TTC7A: variants seen among roughly 807,000 people sequenced by gnomAD.
TTC7A encodes the protein tetratricopeptide repeat protein 7A.
A neutral mutation model predicts 103.7 loss-of-function variants in TTC7A; 110 were observed. The ratio of observed to expected loss-of-function variants is 1.06; its 90% CI spans 0.91 to 1.24. TTC7A has a LOEUF of 1.24. TTC7A is among the 50% of genes most tolerant of loss of function. TTC7A has a pLI of 0.00. For missense variants in TTC7A, 1,340 were observed against 1,116.3 expected (o/e 1.20, Z -2.86); for synonymous variants, 521 against 467.9 (o/e 1.11, Z -1.47).
chr2:47,007,813 C>T lies in TTC7A; in HGVS notation c.1287+1089C>T, dbSNP rs1677584164. Among the ~76,000 whole-genome samples, 1 of 152,214 alleles carries T rather than the reference C, an allele frequency of 6.6e-6. No homozygotes were observed. The highest frequency in any genetic ancestry group is 1.5e-5 in the Non-Finnish European group (1 of 68,034). On this transcript the variant is annotated intron_variant, in intron 10 of 19. Transcript: ENST00000319190. The surrounding 1 kb of genome is among the most constrained non-coding windows in gnomAD (Gnocchi z 4.9). Reference sequence around the variant, plus strand: ...CTCTCCTCTCCCCCATCACATCGGACACCTCACAGAGCATCTTGAAGTCAC... The same window carrying T: ...CTCTCCTCTCCCCCATCACATCGGATACCTCACAGAGCATCTTGAAGTCAC...
chr2:46,943,561 C>A (rs1253797124), intron 1 of TTC7A, among the ~76,000 whole-genome samples: 1 of 152,186 alleles, frequency 6.6e-6, no homozygotes, highest in Non-Finnish European at 1.5e-5. Flanking sequence ...TGCATATGCA[C>A]ACACACAAAC....
upstream of TTC7A, chr2:46,915,991 A>C (rs1572624785): frequency 3.0e-6 from 3 of 985,006 alleles, no homozygotes; most frequent in Non-Finnish European, 3.6e-6. Context: ...CTGCTTTCCC[A>C]AGGGCGACAC....
intron 15 of TTC7A, among the ~76,000 whole-genome samples, chr2:47,038,027 G>A (rs1681302900): frequency 6.6e-6 from 1 of 152,024 alleles, no homozygotes; most frequent in Non-Finnish European, 1.5e-5. Flanking sequence ...GAGGCGGGCG[G>A]ATCATTTGAG....
At chr2:47,038,258 CAAA>C (rs60342421) in intron 15 of TTC7A, among the ~76,000 whole-genome samples, 13 of 128,318 alleles carry the variant, frequency 1.0e-4, no homozygotes, top group Admixed American at 1.6e-4. Context: ...GACTCCATCT[CAAA>C]AAAAAAAAAA....
At chr2:46,972,724 T>C (rs1184579509) in intron 3 of TTC7A, among the ~76,000 whole-genome samples, 1 of 152,228 alleles carries the variant, frequency 6.6e-6, no homozygotes, top group Non-Finnish European at 1.5e-5. Context: ...GGGTAACTTC[T>C]GCAGGGAGGA....
At chr2:46,944,209 A>C (rs748459247) in intron 1 of TTC7A, among the ~76,000 whole-genome samples, 1 of 152,132 alleles carries the variant, frequency 6.6e-6, no homozygotes, top group African/African-American at 2.4e-5. Context: ...ATTATGAAGA[A>C]TTTTCAAAAC....
intron 19 of TTC7A, among the ~76,000 whole-genome samples, chr2:47,072,066 G>A (rs1005256443): frequency 8.5e-5 from 13 of 152,288 alleles, no homozygotes; most frequent in East Asian, 3.9e-4. Context: ...CCTGTGGGCC[G>A]TGTTCCATTG....
At position 47,075,832 on chromosome 2, in the gene TTC7A, TC is replaced by T. The variant is rs1045699472; in HGVS notation, c.*1911del. 1 of 152,372 alleles carries T rather than the reference TC, an allele frequency of 6.6e-6. No individual in the cohort carries two copies. Among genetic ancestry groups the T allele is most frequent in the Non-Finnish European group, 1.5e-5 (1 of 68,186 alleles). 9.4% of individuals were successfully genotyped at this position (152,372 alleles called of 1,614,324 possible). A position where few individuals can be genotyped will look rare whatever the true frequency, so the allele number is the denominator to read the frequency against. On this transcript the variant is annotated 3_prime_UTR_variant, in exon 20 of 20. Coordinates refer to ENST00000319190, the MANE Select transcript of TTC7A (RefSeq NM_020458.4). ...GCAAGAGGGGTCCAGGCAGGGCTGA[TC>T]CTGGCCTCTGACCTGTCCAGGGCGA...
chr2:46,973,397 C>T (rs781218931), intron 3 of TTC7A, among the ~76,000 whole-genome samples: 1 of 152,172 alleles, frequency 6.6e-6, no homozygotes, highest in Non-Finnish European at 1.5e-5. Flanking sequence ...TTCCAGCCAC[C>T]GCATGGTGCA....
chr2:47,023,481 C>G lies in TTC7A; in HGVS notation c.1568+16C>G. On this transcript the variant is annotated intron_variant, in intron 13 of 19. Coordinates refer to ENST00000319190, the MANE Select transcript of TTC7A (RefSeq NM_020458.4). ...CGCTGGAGAGGTGAGGAGGCTCCCA[C>G]CTGCAGCAGAGGCCCCTCTTGCCTT... The G allele has an allele frequency of 6.2e-7, 1 of 1,613,862 alleles. No individual in the cohort carries two copies. Among genetic ancestry groups the G allele is most frequent in the South Asian group, 1.1e-5 (1 of 91,076 alleles).
chr2:46,920,632 T>TA (rs1441222007), intron 2 of TTC7A, among the ~76,000 whole-genome samples: 1 of 149,490 alleles, frequency 6.7e-6, no homozygotes, highest in Non-Finnish European at 1.5e-5. Flanking sequence ...TGCCTGGCCT[T>TA]AGTCTTAGGC....
chr2:46,985,937 T>C (rs1572819203), intron 5 of TTC7A, among the ~76,000 whole-genome samples: 1 of 152,358 alleles, frequency 6.6e-6, no homozygotes, highest in East Asian at 1.9e-4. Flanking sequence ...GGGACTCTGC[T>C]ATACATTGTA....
chr2:46,936,545 C>G (rs1189076402), upstream of TTC7A, among the ~76,000 whole-genome samples: 1 of 152,190 alleles, frequency 6.6e-6, no homozygotes, highest in African/African-American at 2.4e-5. Context: ...ACAGGATACA[C>G]AAGCAACTGT....
intron 2 of TTC7A, among the ~76,000 whole-genome samples, chr2:46,932,521 T>A (rs918657572): frequency 6.6e-6 from 1 of 152,196 alleles, no homozygotes; most frequent in Non-Finnish European, 1.5e-5. Context: ...CTATGCACTT[T>A]CTTTTGTGTT....
In TTC7A at chr2:47,029,336, C is replaced by A. The variant is rs1412072899; in HGVS notation, c.1754C>A (p.Ala585Asp). ...TCTGCCCAGAAGCACCACCAGCATG[C>A]CCTGGATGTTGTCAACATGGCCATC... ...LFSAQKHHQH[A>D]LDVVNMAITE... Residue 585 changes from alanine to aspartate, a missense_variant, in exon 15 of 20, where the codon GCC becomes GAC. By Grantham distance (126) the Ala-to-Asp change is moderately radical. Coordinates refer to ENST00000319190, the MANE Select transcript of TTC7A (RefSeq NM_020458.4). The A allele has an allele frequency of 1.2e-6, 2 of 1,614,086 alleles. No homozygotes were observed. The highest frequency in any genetic ancestry group is 2.7e-5 in the African/African-American group (2 of 75,064).
At chr2:47,065,181 G>A (rs1684084593) in intron 19 of TTC7A, among the ~76,000 whole-genome samples, 1 of 152,330 alleles carries the variant, frequency 6.6e-6, no homozygotes, top group South Asian at 2.1e-4. Context: ...CAGCTACTCG[G>A]GAATCTGAGG....
chr2:46,948,877 C>T (rs771991037), intron 1 of TTC7A, among the ~76,000 whole-genome samples: 1 of 152,166 alleles, frequency 6.6e-6, no homozygotes, highest in Non-Finnish European at 1.5e-5. Context: ...GCAAAAAGAG[C>T]ACTTTGAAAA....
intron 5 of TTC7A, among the ~76,000 whole-genome samples, 171 bp from the exon 6 acceptor site, chr2:46,993,279 C>T (rs556016994): frequency 1.3e-5 from 2 of 151,832 alleles, no homozygotes; most frequent in African/African-American, 4.8e-5. Flanking sequence ...TGTTGATGTC[C>T]TGGGCCTCTA....
At position 46,917,305 on chromosome 2, in the gene TTC7A, C is replaced by A. The variant is rs912329165; in HGVS notation, c.82+28C>A. The A allele has an allele frequency of 9.2e-6, 6 of 649,276 alleles. No homozygotes were observed. In the Admixed American group the frequency reaches 1.1e-4, roughly 12 times the overall value. The allele number at this position is 649,276 out of a possible 1,614,324, so 40.2% of individuals were successfully genotyped here. ...GAGCCACCGCGCCGGGACAAAGAAT[C>A]CCTAAGTTTTGAGGAAACCCTATTA... On this transcript the variant is annotated intron_variant, in intron 2 of 20. Transcript: ENST00000409245.
Sources: allele counts gnomAD v4.1 joint callset (sites outside exome capture counted in the v4.1 genomes callset), GRCh38; gene constraint gnomAD v4.1.1; non-coding constraint Gnocchi (gnomAD v3.1); transcripts MANE v1.5; gene names NCBI Gene and HGNC (gene_info 2026-07-23, HGNC 2026-07-21).